The following SEMA4D variants were observed in gnomAD, a reference collection of about 807,000 sequenced individuals.
The protein encoded by SEMA4D is semaphorin-4D.
A neutral mutation model predicts 74.8 loss-of-function variants in SEMA4D; 22 were observed. The observed-to-expected ratio is 0.29, with a 90% CI of 0.21 to 0.42. SEMA4D has a LOEUF of 0.42. Ranked by LOEUF, SEMA4D falls within the 10% of genes least tolerant of loss-of-function variation. The probability of loss-of-function intolerance (pLI) is 1.00; values close to 1 mark genes in which losing one functional copy is unlikely to be tolerated. For synonymous variants in SEMA4D, 445 were observed against 463.7 expected (o/e 0.96, Z 0.52); for missense variants, 937 against 1,118.4 (o/e 0.84, Z 2.31).
At chr9:89,476,842 C>A (rs1588153843) in intron 1 of SEMA4D, among the ~76,000 whole-genome samples, 1 of 152,334 alleles carries the variant, frequency 6.6e-6, no homozygotes, top group Non-Finnish European at 1.5e-5. Context: ...CCCATGACCA[C>A]ATGGCACCAA....
intron 13 of SEMA4D, among the ~76,000 whole-genome samples, chr9:89,384,119 G>A (rs530797787): frequency 5.5e-4 from 83 of 152,240 alleles, no homozygotes; most frequent in African/African-American, 2.0e-3. Context: ...GGCTCAGAGA[G>A]GGCCGAGCAA....
At chr9:89,373,273 G>C (rs1051024773), downstream of SEMA4D, among the ~76,000 whole-genome samples, 1 of 152,190 alleles carries the variant, frequency 6.6e-6, no homozygotes, top group Non-Finnish European at 1.5e-5. Context: ...CCCCTGTGCA[G>C]ACCCACCCCG....
At chr9:89,384,974 C>G in intron 13 of SEMA4D, 2 of 985,448 alleles carry the variant, frequency 2.0e-6, no homozygotes, top group Non-Finnish European at 2.4e-6. Flanking sequence ...GCCACGTCCC[C>G]ACGAATGGAG....
intron 4 of SEMA4D, among the ~76,000 whole-genome samples, chr9:89,401,282 C>G (rs1842166000): frequency 6.6e-6 from 1 of 152,202 alleles, no homozygotes. Flanking sequence ...GTCTCAAACT[C>G]TTGAGCTCAA....
intron 1 of SEMA4D, among the ~76,000 whole-genome samples, chr9:89,496,605 TTTC>T (rs1356707817): frequency 6.6e-6 from 1 of 152,210 alleles, no homozygotes; most frequent in Non-Finnish European, 1.5e-5. Flanking sequence ...GCCCGCCTGC[TTTC>T]TTCTTCTGGC....
intron 2 of SEMA4D, among the ~76,000 whole-genome samples, chr9:89,452,608 C>T (rs577380612): frequency 4.6e-5 from 7 of 152,044 alleles, no homozygotes; most frequent in African/African-American, 1.2e-4. Context: ...TGAGCCACCA[C>T]GCCCGGCTAA....
At chr9:89,486,568 A>G (rs1165730928) in intron 1 of SEMA4D, among the ~76,000 whole-genome samples, 1 of 152,208 alleles carries the variant, frequency 6.6e-6, no homozygotes, top group African/African-American at 2.4e-5. Context: ...TCATAGTCCT[A>G]TGTTAAGGAA....
rs369342289 is a variant in SEMA4D, at chr9:89,378,824, G to A, written c.2469C>T (p.Thr823=). Residue 823 remains threonine, a synonymous_variant, in exon 16 of 16, where the codon ACC becomes ACT. Coordinates refer to ENST00000422704, the MANE Select transcript of SEMA4D (RefSeq NM_001371194.2). ...CCTCCCTATCCGTGGGGACTTTGCT[G>A]GTGATGGTGTCTTGCTCGGTCTCAT... ...TGYETEQDTI[T]SKVPTDREDS... 8 of 1,614,168 alleles carry A rather than the reference G, an allele frequency of 5.0e-6. No individual in the cohort carries two copies. Among genetic ancestry groups the A allele is most frequent in the Non-Finnish European group, 6.8e-6 (8 of 1,180,026 alleles).
At chr9:89,375,981 G>A (rs945343943), downstream of SEMA4D, among the ~76,000 whole-genome samples, 7 of 152,094 alleles carry the variant, frequency 4.6e-5, no homozygotes, top group African/African-American at 9.7e-5. Flanking sequence ...CTCAAGGCAC[G>A]TGCCACCAAG....
At chr9:89,379,706 A>T (rs1836569351) in intron 15 of SEMA4D, 77 bp from the exon 16 acceptor site, 6 of 1,469,760 alleles carry the variant, frequency 4.1e-6, no homozygotes, top group Non-Finnish European at 5.5e-6. Context: ...AATACCCACA[A>T]GATGACGCAA....
In SEMA4D at chr9:89,484,727, TTA is replaced by T. The variant is rs754056727; in HGVS notation, c.-310+13190_-310+13191del. On this transcript the variant is annotated intron_variant, in intron 1 of 15. Coordinates refer to ENST00000422704, the MANE Select transcript of SEMA4D (RefSeq NM_001371194.2). This position sits in a 1 kb window ranked among gnomAD's most constrained non-coding sequence, Gnocchi z 4.1. Reference sequence around the variant, plus strand: ...ATGTGGTGTATGGATGTGTTGTGTGTTATGTGTGTGTGGTGTGGCAGGTATGT... The same window carrying T: ...ATGTGGTGTATGGATGTGTTGTGTGTTGTGTGTGTGGTGTGGCAGGTATGT... Among the ~76,000 whole-genome samples, 2 of 151,008 alleles carry T rather than the reference TTA, an allele frequency of 1.3e-5. No homozygotes were observed. Among genetic ancestry groups the T allele is most frequent in the African/African-American group, 2.4e-5 (1 of 40,968 alleles).
chr9:89,480,294 C>T (rs1389165278), intron 1 of SEMA4D, among the ~76,000 whole-genome samples: 2 of 152,242 alleles, frequency 1.3e-5, no homozygotes, highest in African/African-American at 4.8e-5. Context: ...ATTTACAATC[C>T]CTGAGCTAGA....
intron 2 of SEMA4D, among the ~76,000 whole-genome samples, chr9:89,441,301 G>A (rs1159555872): frequency 1.3e-5 from 2 of 152,248 alleles, no homozygotes; most frequent in African/African-American, 2.4e-5. Flanking sequence ...TCCCAGCAGC[G>A]GGCAATTTCC....
rs114458509 is a variant in SEMA4D, at chr9:89,438,431, C to T, written c.-244+17457G>A. ...AAGGTGAGCAGGACGACATTCACCGCGGGAGCCTGGTGACTGCAACTCCTG... is the reference window on the plus strand; with the variant it reads ...AAGGTGAGCAGGACGACATTCACCGTGGGAGCCTGGTGACTGCAACTCCTG... On this transcript the variant is annotated intron_variant, in intron 2 of 15. Transcript: ENST00000422704. 5.5e-3 allele frequency among the ~76,000 whole-genome samples: 842 copies of T among 152,274 alleles called. 3 individuals carry two copies. The highest frequency in any genetic ancestry group is 0.02 in the Middle Eastern group (6 of 294).
chr9:89,382,205 T>G (rs1042458118), intron 13 of SEMA4D, among the ~76,000 whole-genome samples: 1 of 152,190 alleles, frequency 6.6e-6, no homozygotes, highest in Non-Finnish European at 1.5e-5. Context: ...GTGCCCCACA[T>G]GCAGTGCACC....
intron 1 of SEMA4D, among the ~76,000 whole-genome samples, chr9:89,494,054 A>G (rs896738542): frequency 1.3e-5 from 2 of 152,248 alleles, no homozygotes; most frequent in African/African-American, 4.8e-5. Context: ...CAGAGGATCA[A>G]TAACTATTGA....
chr9:89,479,564 G>A (rs895210658), intron 1 of SEMA4D: 3 of 181,024 alleles, frequency 1.7e-5, no homozygotes, highest in Admixed American at 6.3e-5. Flanking sequence ...GAGTGTTACA[G>A]CTCTTACGGT....
At position 89,387,510 on chromosome 9, in the gene SEMA4D, G is replaced by A; in HGVS notation, c.1206C>T (p.Asp402=). 6.2e-7 allele frequency: 1 copy of A among 1,614,252 alleles called. No individual in the cohort carries two copies. The highest frequency in any genetic ancestry group is 8.5e-7 in the Non-Finnish European group (1 of 1,180,042). Residue 402 remains aspartate (D), a synonymous_variant, in exon 12 of 16, where the codon GAC becomes GAT. Coordinates refer to ENST00000422704, the MANE Select transcript of SEMA4D (RefSeq NM_001371194.2). ...QFVKDHPLMD[D]SVTPIDNRPR... The stretch of plus-strand genomic sequence containing the variant: ...GCCTGTTGTCTATTGGGGTTACCGA[G>A]TCATCCATCAAAGGGTGGTCTTTAA...
chr9:89,378,493 C>T lies in SEMA4D; in HGVS notation c.*211G>A. The T allele has an allele frequency of 1.8e-6, 1 of 562,610 alleles. No homozygotes were observed. The highest frequency in any genetic ancestry group is 3.2e-6 in the Non-Finnish European group (1 of 315,638). 34.9% of individuals were successfully genotyped at this position (562,610 alleles called of 1,614,324 possible). A position where few individuals can be genotyped will look rare whatever the true frequency, so the allele number is the denominator to read the frequency against. ...GACTTCGGAACACAAGACTGGGATG[C>T]AATGCTTGTCATTTTTCCAAAAGGA... On this transcript the variant is annotated 3_prime_UTR_variant, in exon 16 of 16. Transcript: ENST00000422704.
Sources: gnomAD v4.1 joint callset for allele counts (sites outside exome capture counted in the v4.1 genomes callset) on GRCh38, gnomAD v4.1.1 for gene constraint, Gnocchi (gnomAD v3.1) non-coding constraint, MANE v1.5 for transcripts, NCBI Gene and HGNC (gene_info 2026-07-23, HGNC 2026-07-21) for gene names.